GARNL3: variants seen among roughly 807,000 people sequenced by gnomAD.
GARNL3 encodes the protein GTPase activating Rap/RanGAP domain like 3, also known as GTPase-activating Rap/Ran-GAP domain-like protein 3.
Under a neutral mutation model 125.0 loss-of-function variants are expected in GARNL3, and 63 were observed. The observed-to-expected ratio is 0.50, with a 90% CI of 0.41 to 0.62. The LOEUF is 0.62. Among genes scored for constraint, GARNL3 ranks in the 20% least tolerant of loss-of-function variants. The probability of loss-of-function intolerance (pLI) is 0.00; values close to 1 mark genes in which losing one functional copy is unlikely to be tolerated. For synonymous variants in GARNL3, 439 were observed against 457.5 expected (o/e 0.96, Z 0.52); for missense variants, 994 against 1,244.0 (o/e 0.80, Z 3.02).
At chr9:127,278,831 A>G (rs1166478027) in intron 1 of GARNL3, among the ~76,000 whole-genome samples, 1 of 152,088 alleles carries the variant, frequency 6.6e-6, no homozygotes, top group East Asian at 1.9e-4. Flanking sequence ...TTGCGGCGGC[A>G]ATCCTTAACC....
At chr9:127,301,556 T>C (rs1368312122) in intron 2 of GARNL3, among the ~76,000 whole-genome samples, 1 of 152,226 alleles carries the variant, frequency 6.6e-6, no homozygotes, top group African/African-American at 2.4e-5. Context: ...TCCTTCCTTA[T>C]ACCATCTGAG....
Position 127,388,923 on chromosome 9 carries a change from T to C in GARNL3, c.2547T>C (p.Asn849=). The C allele has an allele frequency of 6.2e-7, 1 of 1,607,886 alleles. No homozygotes were observed. Among genetic ancestry groups the C allele is most frequent in the South Asian group, 1.1e-5 (1 of 90,938 alleles). ...SLGEGEIQSK[N]LYKIPLRNLV... ...TTTCAGGTGAAATTCAATCAAAAAATCTGTACAAGATTCCACTTAGAAACC... is the reference window on the plus strand; with the variant it reads ...TTTCAGGTGAAATTCAATCAAAAAACCTGTACAAGATTCCACTTAGAAACC... The change falls in exon 26 of 28, where the codon AAT becomes AAC. Residue 849 remains asparagine (N), a synonymous_variant. Coordinates refer to ENST00000373387, the MANE Select transcript of GARNL3 (RefSeq NM_032293.5).
At chr9:127,335,402 G>A (rs1588880336) in intron 10 of GARNL3, 69 bp downstream of exon 10, 2 of 1,211,468 alleles carry the variant, frequency 1.7e-6, no homozygotes, top group African/African-American at 1.5e-5. Context: ...TGATTCCATA[G>A]AATTAGGGGC....
intron 10 of GARNL3, among the ~76,000 whole-genome samples, 192 bp downstream of exon 10, chr9:127,335,525 C>A (rs1285547794): frequency 6.6e-6 from 1 of 152,150 alleles, no homozygotes; most frequent in Non-Finnish European, 1.5e-5. Context: ...CTGGTGCTGT[C>A]ACCTTAGAGA....
At chr9:127,273,291 A>G (rs1182099197) in intron 1 of GARNL3, among the ~76,000 whole-genome samples, 1 of 152,156 alleles carries the variant, frequency 6.6e-6, no homozygotes, top group African/African-American at 2.4e-5. Context: ...CTGCAAGCCC[A>G]TGCTCTTAAA....
At chr9:127,348,318 T>C (rs1267389154) in intron 16 of GARNL3, among the ~76,000 whole-genome samples, 1 of 152,230 alleles carries the variant, frequency 6.6e-6, no homozygotes, top group Admixed American at 6.5e-5. Flanking sequence ...GGAAATGAAC[T>C]AAGAAGAGTT....
intron 6 of GARNL3, 116 bp from the exon 7 acceptor site, chr9:127,324,953 T>G: frequency 1.8e-6 from 2 of 1,095,096 alleles, no homozygotes; most frequent in Non-Finnish European, 2.7e-6. Flanking sequence ...TAACCAACTT[T>G]TAAAATTATT....
At chr9:127,336,597 A>G (rs1232004656) in intron 11 of GARNL3, among the ~76,000 whole-genome samples, 2 of 152,258 alleles carry the variant, frequency 1.3e-5, no homozygotes, top group African/African-American at 2.4e-5. Context: ...TTGCAAGTTA[A>G]GATAAAAGGC....
chr9:127,346,501 G>C (rs1830145258), intron 16 of GARNL3, among the ~76,000 whole-genome samples: 1 of 152,174 alleles, frequency 6.6e-6, no homozygotes, highest in African/African-American at 2.4e-5. Flanking sequence ...GTGTCTGCTT[G>C]TTCCCATGCA....
intron 3 of GARNL3, 131 bp downstream of exon 3, chr9:127,311,866 C>T (rs891485029): frequency 1.9e-5 from 12 of 621,654 alleles, no homozygotes; most frequent in Non-Finnish European, 3.4e-5. Flanking sequence ...CATTTCACTT[C>T]AAGGTCAGTA....
chr9:127,306,355 T>A (rs1353797554), intron 2 of GARNL3, among the ~76,000 whole-genome samples: 2 of 150,664 alleles, frequency 1.3e-5, no homozygotes, highest in Non-Finnish European at 3.0e-5. Context: ...GGCTGAGGTG[T>A]GTGGATGACT....
intron 2 of GARNL3, 76 bp from the exon 3 acceptor site, chr9:127,311,560 G>A: frequency 1.0e-6 from 1 of 981,242 alleles, no homozygotes; most frequent in Non-Finnish European, 1.6e-6. Flanking sequence ...CTGGTTCTTT[G>A]GCCGCTGGTT....
In GARNL3 at chr9:127,393,119, C is replaced by T. The variant is rs141815457; in HGVS notation, c.2907C>T (p.Ser969=). The T allele has an allele frequency of 3.9e-5, 62 of 1,607,808 alleles. No individual in the cohort carries two copies. In the African/African-American group the frequency reaches 4.1e-4, roughly 11 times the overall value. The stretch of plus-strand genomic sequence containing the variant: ...GCTCCTTGGAAAGTGCTTCTACTTC[C>T]GAAGCCAACCCTGAGGGGCACTCAG... ...PSGSLESAST[S]EANPEGHSAS... Residue 969 remains serine, a synonymous_variant, in exon 28 of 28, where the codon TCC becomes TCT. Coordinates refer to ENST00000373387, the MANE Select transcript of GARNL3 (RefSeq NM_032293.5).
chr9:127,276,741 T>G (rs2063967531), intron 1 of GARNL3, among the ~76,000 whole-genome samples: 1 of 152,226 alleles, frequency 6.6e-6, no homozygotes, highest in Admixed American at 6.5e-5. Flanking sequence ...CACATAGCCA[T>G]GTCCCAGTCT....
chr9:127,383,370 ATTTCT>A, intron 22 of GARNL3, 63 bp from the exon 23 acceptor site: 3 of 975,314 alleles, frequency 3.1e-6, no homozygotes. Context: ...CCTGTTTTTC[ATTTCT>A]TTAATTACAG....
At chr9:127,388,072 G>A (rs189992055) in intron 25 of GARNL3, among the ~76,000 whole-genome samples, 2 of 152,230 alleles carry the variant, frequency 1.3e-5, no homozygotes, top group Admixed American at 1.3e-4. Context: ...CCTGAGCAGC[G>A]GAGGTCAAGG....
chr9:127,349,117 C>A, intron 17 of GARNL3, 82 bp downstream of exon 17: 1 of 917,878 alleles, frequency 1.1e-6, no homozygotes, highest in Non-Finnish European at 1.8e-6. Context: ...AACCAACTCC[C>A]TTTGGGCCAT....
At chr9:127,326,866 G>A (rs1237295033) in intron 7 of GARNL3, among the ~76,000 whole-genome samples, 1 of 152,100 alleles carries the variant, frequency 6.6e-6, no homozygotes, top group Non-Finnish European at 1.5e-5. Context: ...TATTAACCCA[G>A]AATATGCCCC....
intron 2 of GARNL3, chr9:127,300,446 TC>T: frequency 2.4e-6 from 1 of 417,102 alleles, no homozygotes; most frequent in Non-Finnish European, 4.7e-6. Flanking sequence ...CCTCATTAAT[TC>T]CAGCTTCTTG....
Sources: allele counts gnomAD v4.1 joint callset (sites outside exome capture counted in the v4.1 genomes callset), GRCh38; gene constraint gnomAD v4.1.1; transcripts MANE v1.5; gene names NCBI Gene and HGNC (gene_info 2026-07-23, HGNC 2026-07-21).